EGFLAM: variants seen among roughly 807,000 people sequenced by gnomAD.
The protein encoded by EGFLAM is pikachurin.
In EGFLAM, 79 loss-of-function variants were observed where a neutral mutation model predicts 113.1. The ratio of observed to expected loss-of-function variants is 0.70; its 90% CI spans 0.58 to 0.84. The LOEUF (loss-of-function observed/expected upper bound fraction) is 0.84, where lower values mean the gene tolerates loss of function less well. EGFLAM is among the 40% of genes least tolerant of loss of function. EGFLAM has a pLI of 0.00. For missense variants in EGFLAM, 1,265 were observed against 1,291.6 expected, an observed-to-expected ratio of 0.98 and a Z score of 0.32; for synonymous variants, 504 against 487.6, an observed-to-expected ratio of 1.03 and a Z score of -0.44.
At chr5:38,282,462 CGTT>C (rs1561261862) in intron 1 of EGFLAM, 2 of 152,110 alleles carry the variant, frequency 1.3e-5, no homozygotes, top group Non-Finnish European at 2.9e-5. Context: ...GCTTGGGTAT[CGTT>C]ATCAATGCTA....
rs1159721464 is a variant in EGFLAM at position 38,300,372 on chromosome 5, T to C, written c.98-37148T>C. The stretch of plus-strand genomic sequence containing the variant: ...TCTCTTCTCTTCTTCTCTATCTCTC[T>C]CTCTTTTTTTTTTTTTTTTGAGATG... On this transcript the variant is annotated intron_variant, in intron 1 of 21. Transcript: ENST00000322350. Among the ~76,000 whole-genome samples the C allele has an allele frequency of 3.6e-5, 5 of 137,744 alleles. No individual in the cohort carries two copies. The Admixed American group carries it at 3.8e-4, about 11-fold the overall frequency. 90.4% of individuals were successfully genotyped at this position (137,744 alleles called of 152,430 possible).
At chr5:38,280,949 C>G (rs1757997754) in intron 1 of EGFLAM, among the ~76,000 whole-genome samples, 1 of 152,164 alleles carries the variant, frequency 6.6e-6, no homozygotes, top group South Asian at 2.1e-4. Flanking sequence ...CATGCAGTAA[C>G]TATAGTGTAA....
At chr5:38,285,480 G>C (rs555538150) in intron 1 of EGFLAM, among the ~76,000 whole-genome samples, 56 of 152,270 alleles carry the variant, frequency 3.7e-4, no homozygotes, top group African/African-American at 1.3e-3. Flanking sequence ...GGAAGTGGGT[G>C]GGGGAGGTGA....
intron 17 of EGFLAM, among the ~76,000 whole-genome samples, chr5:38,439,366 G>A (rs559243691): frequency 1.3e-5 from 2 of 150,908 alleles, no homozygotes; most frequent in South Asian, 4.2e-4. Context: ...TTTCAGTGTG[G>A]CCTTTCCTGC....
chr5:38,447,915 A>C (rs1310333075), intron 17 of EGFLAM, among the ~76,000 whole-genome samples: 1 of 152,326 alleles, frequency 6.6e-6, no homozygotes, highest in Admixed American at 6.5e-5. Flanking sequence ...GGCCTTATTT[A>C]GGGATTTGTT....
chr5:38,464,009 G>A lies in EGFLAM; in HGVS notation c.*23G>A, dbSNP rs1418300831. 3.1e-6 allele frequency: 5 copies of A among 1,613,960 alleles called. No homozygotes were observed. In the East Asian group the frequency reaches 1.1e-4, roughly 36 times the overall value. On this transcript the variant is annotated 3_prime_UTR_variant, in exon 22 of 22. Coordinates refer to ENST00000322350, the MANE Select transcript of EGFLAM (RefSeq NM_152403.4). ...TAACACCAGCTGGCCTTGTCCAAGGGACAGAGCCTTCTATTCTGAGAATCC... is the reference window on the plus strand; with the variant it reads ...TAACACCAGCTGGCCTTGTCCAAGGAACAGAGCCTTCTATTCTGAGAATCC...
intron 12 of EGFLAM, among the ~76,000 whole-genome samples, chr5:38,422,374 G>A (rs917144702): frequency 1.3e-5 from 2 of 152,100 alleles, no homozygotes; most frequent in African/African-American, 4.8e-5. Flanking sequence ...GCTACACTCT[G>A]CACTCACCCT....
intron 19 of EGFLAM, 74 bp from the exon 20 acceptor site, chr5:38,458,237 C>CGTGAACCGT: frequency 7.5e-7 from 1 of 1,336,904 alleles, no homozygotes; most frequent in Non-Finnish European, 1.0e-6. Flanking sequence ...CCCTGAGAAT[C>CGTGAACCGT]GTCTGTGAAC....
rs573228104 is a variant in EGFLAM at position 38,410,945 on chromosome 5, T to C, written c.1350-1559T>C. On this transcript the variant is annotated intron_variant, in intron 10 of 21. Coordinates refer to ENST00000322350, the MANE Select transcript of EGFLAM (RefSeq NM_152403.4). ...ACACAGTGACTTGCATTCTATTCAC[T>C]GTAGCTTGAATTCACTGTAAGCATT... 5.4e-4 allele frequency among the ~76,000 whole-genome samples: 82 copies of C among 152,366 alleles called. 1 individual carries two copies. The highest frequency in any genetic ancestry group is 7.9e-4 in the Non-Finnish European group (54 of 68,046).
At chr5:38,451,532 T>G (rs1742914646) in intron 19 of EGFLAM, 74 bp downstream of exon 19, 3 of 1,548,358 alleles carry the variant, frequency 1.9e-6, no homozygotes, top group Non-Finnish European at 2.6e-6. Context: ...CCAGAGTGAT[T>G]CAGAAGGGAG....
intron 3 of EGFLAM, among the ~76,000 whole-genome samples, chr5:38,349,952 T>TAC (rs60439871): frequency 0.015 from 2,117 of 144,304 alleles, 27 homozygotes; most frequent in East Asian, 0.056. Context: ...GCAGGGGAAG[T>TAC]ACACACACAC....
intron 6 of EGFLAM, among the ~76,000 whole-genome samples, chr5:38,384,073 T>C (rs772679416): frequency 5.3e-5 from 8 of 152,288 alleles, no homozygotes; most frequent in African/African-American, 9.6e-5. Context: ...GCCTGACTTA[T>C]ATTTTAAGCA....
chr5:38,379,865 G>A (rs1486516626), intron 6 of EGFLAM, among the ~76,000 whole-genome samples: 1 of 151,198 alleles, frequency 6.6e-6, no homozygotes, highest in Non-Finnish European at 1.5e-5. Flanking sequence ...TAGAGTTACA[G>A]TATCATGCTG....
chr5:38,390,690 T>C (rs1740786096), intron 6 of EGFLAM, among the ~76,000 whole-genome samples: 1 of 152,228 alleles, frequency 6.6e-6, no homozygotes, highest in Non-Finnish European at 1.5e-5. Flanking sequence ...ATCTGATGAA[T>C]GTAAAATGAT....
At chr5:38,458,248 C>T (rs1006941229) in intron 19 of EGFLAM, 63 bp from the exon 20 acceptor site, 65 of 1,461,902 alleles carry the variant, frequency 4.4e-5, no homozygotes, top group South Asian at 2.4e-4. Flanking sequence ...GTCTGTGAAC[C>T]GTGTCTGCTT....
chr5:38,389,593 C>G (rs1740757215), intron 6 of EGFLAM, among the ~76,000 whole-genome samples: 1 of 152,124 alleles, frequency 6.6e-6, no homozygotes, highest in Admixed American at 6.5e-5. Context: ...AGGGGTAGGT[C>G]TCTAAGCTGA....
intron 2 of EGFLAM, 133 bp downstream of exon 2, chr5:38,337,762 G>C (rs1739226824): frequency 2.7e-6 from 2 of 738,746 alleles, no homozygotes; most frequent in Non-Finnish European, 4.4e-6. Flanking sequence ...AAAGCTAGAA[G>C]AAATGTCCCG....
chr5:38,288,269 A>G (rs2111780468), intron 1 of EGFLAM, among the ~76,000 whole-genome samples: 1 of 152,298 alleles, frequency 6.6e-6, no homozygotes, highest in South Asian at 2.1e-4. Context: ...GTATTATCCA[A>G]TTTTCATGAC....
In EGFLAM at chr5:38,367,174, G is replaced by T. The variant is rs556170946; in HGVS notation, c.546-3122G>T. On this transcript the variant is annotated intron_variant, in intron 5 of 21. Transcript: ENST00000322350. ...TTGTTGTTGTTGTTTTTGAGACAGG[G>T]TCTCATTTTGTCACTAGGCTGGAGT... is the stretch of plus-strand genomic sequence containing the variant. Among the ~76,000 whole-genome samples, 30 of 151,872 alleles carry T rather than the reference G, an allele frequency of 2.0e-4. 2 individuals are homozygous for T. In the South Asian group the frequency reaches 6.0e-3, roughly 31 times the overall value.
Sources: allele counts gnomAD v4.1 joint callset (sites outside exome capture counted in the v4.1 genomes callset), GRCh38; gene constraint gnomAD v4.1.1; transcripts MANE v1.5; gene names NCBI Gene and HGNC (gene_info 2026-07-23, HGNC 2026-07-21).